Variants in DPF3 observed in about 807,000 individuals in gnomAD.
DPF3 encodes the protein zinc finger protein DPF3.
DPF3 carries 18 observed loss-of-function variants against 56.8 expected under a neutral mutation model. The observed-to-expected ratio is 0.32, with a 90% CI of 0.22 to 0.47. DPF3 has a LOEUF of 0.47. Ranked by LOEUF, DPF3 falls within the 20% of genes least tolerant of loss-of-function variation. The pLI is 1.00. For missense variants in DPF3, 403 were observed against 488.8 expected (o/e 0.82, Z 1.65); for synonymous variants, 188 against 180.2 (o/e 1.04, Z -0.35).
intron 7 of DPF3, among the ~76,000 whole-genome samples, chr14:72,687,597 C>G (rs1887468527): frequency 6.6e-6 from 1 of 152,140 alleles, no homozygotes; most frequent in South Asian, 2.1e-4. Flanking sequence ...CTATCAGACC[C>G]AAAGACTTCC....
intron 1 of DPF3, among the ~76,000 whole-genome samples, chr14:72,782,126 G>A (rs1892000257): frequency 6.6e-6 from 1 of 152,078 alleles, no homozygotes; most frequent in African/African-American, 2.4e-5. Context: ...GAATGCAAAG[G>A]GTGCTGCCCT....
rs372793979 is a variant in DPF3, at chr14:72,815,405, C to T, written c.33-43512G>A. On this transcript the variant is annotated intron_variant, in intron 1 of 10. Coordinates refer to ENST00000556509, the MANE Select transcript of DPF3 (RefSeq NM_001280542.3). ...CGTGTGGGAATGCTAACTGGTACAGCCACTTTGGAAAGCAGTTTGGCAATT... is the reference window on the plus strand; with the variant it reads ...CGTGTGGGAATGCTAACTGGTACAGTCACTTTGGAAAGCAGTTTGGCAATT... Among the ~76,000 whole-genome samples the T allele has an allele frequency of 3.9e-5, 6 of 152,318 alleles. No individual in the cohort carries two copies. In the East Asian group the frequency reaches 1.2e-3, roughly 29 times the overall value.
intron 5 of DPF3, among the ~76,000 whole-genome samples, chr14:72,722,457 C>T (rs1364045247): frequency 1.3e-5 from 2 of 152,166 alleles, no homozygotes; most frequent in Non-Finnish European, 2.9e-5. Flanking sequence ...CCCCAGAGCT[C>T]CTAAAGCAGA....
rs1164849180 is a variant in DPF3 at position 72,615,371 on chromosome 14, C to T, written c.*3926G>A. Among the ~76,000 whole-genome samples, 2 of 152,142 alleles carry T rather than the reference C, an allele frequency of 1.3e-5. No individual in the cohort carries two copies. Among genetic ancestry groups the T allele is most frequent in the African/African-American group, 4.8e-5 (2 of 41,426 alleles). ...AGAGCACAGGTCTCCTCCACTTGCCCCGAAAGGAAAAGTAATAACAATCAT... is the reference window on the plus strand; with the variant it reads ...AGAGCACAGGTCTCCTCCACTTGCCTCGAAAGGAAAAGTAATAACAATCAT... On this transcript the variant is annotated 3_prime_UTR_variant, in exon 11 of 11. Coordinates refer to ENST00000556509, the MANE Select transcript of DPF3 (RefSeq NM_001280542.3).
intron 7 of DPF3, among the ~76,000 whole-genome samples, chr14:72,681,383 T>C (rs1332741556): frequency 6.6e-6 from 1 of 152,058 alleles, no homozygotes; most frequent in African/African-American, 2.4e-5. Context: ...TCCTCTCTCT[T>C]AGGCATTTCT....
rs371974520 is a variant in DPF3 at position 72,783,374 on chromosome 14, G to A, written c.33-11481C>T. Among the ~76,000 whole-genome samples, 8 of 152,058 alleles carry A rather than the reference G, an allele frequency of 5.3e-5. No individual in the cohort carries two copies. In the East Asian group the frequency reaches 5.8e-4, roughly 11 times the overall value. On this transcript the variant is annotated intron_variant, in intron 1 of 10. Transcript: ENST00000556509. ...AAGACTTGGCACATAGGAAATGCTCGACACATATCACTCAACAAAAAAATG... is the reference window on the plus strand; with the variant it reads ...AAGACTTGGCACATAGGAAATGCTCAACACATATCACTCAACAAAAAAATG...
At chr14:72,725,918 G>A (rs963087646) in intron 4 of DPF3, among the ~76,000 whole-genome samples, 2 of 152,158 alleles carry the variant, frequency 1.3e-5, no homozygotes, top group Non-Finnish European at 2.9e-5. Flanking sequence ...TTTCTACTAG[G>A]TTTATTTGGG....
chr14:72,628,879 A>G (rs1884999515), intron 9 of DPF3, among the ~76,000 whole-genome samples: 3 of 152,236 alleles, frequency 2.0e-5, no homozygotes, highest in Admixed American at 2.0e-4. Flanking sequence ...GAAGAAAGAG[A>G]ATAAGATGGA....
chr14:72,641,933 C>G (rs1163165427), intron 8 of DPF3, among the ~76,000 whole-genome samples: 1 of 152,212 alleles, frequency 6.6e-6, no homozygotes, highest in Non-Finnish European at 1.5e-5. Context: ...TCCGATCACT[C>G]ACTCTGGAGG....
chr14:72,767,572 T>G (rs1308005761), intron 2 of DPF3, among the ~76,000 whole-genome samples: 1 of 151,938 alleles, frequency 6.6e-6, no homozygotes, highest in Non-Finnish European at 1.5e-5. Context: ...GAGAGAACTA[T>G]AGAAATCACC....
intron 1 of DPF3, among the ~76,000 whole-genome samples, chr14:72,870,151 T>C (rs147808750): frequency 5.3e-5 from 8 of 152,278 alleles, no homozygotes; most frequent in Admixed American, 1.3e-4. Flanking sequence ...GATCCCTGCC[T>C]ACCAAAAAGC....
At chr14:72,885,377 TG>T (rs1314789572) in intron 1 of DPF3, among the ~76,000 whole-genome samples, 1 of 96,918 alleles carries the variant, frequency 1.0e-5, no homozygotes, top group Non-Finnish European at 2.2e-5. Context: ...TGGGTTTGTT[TG>T]TTTGTTTGTT....
At chr14:72,670,903 C>T (rs931057271) in intron 8 of DPF3, 8 of 1,259,690 alleles carry the variant, frequency 6.4e-6, no homozygotes, top group East Asian at 4.1e-5. Context: ...CTCGGAAGAA[C>T]GCTCATTCTG....
In DPF3 at chr14:72,831,347, C is replaced by T. The variant is rs994272634; in HGVS notation, c.33-59454G>A. Among the ~76,000 whole-genome samples, 5 of 150,902 alleles carry T rather than the reference C, an allele frequency of 3.3e-5. No homozygotes were observed. The East Asian group carries it at 9.8e-4, about 29-fold the overall frequency. ...GCAGGCAAAGCACTGGTAGCTCTCCCAAGGGAAAAAAAAAACAAAAAACAC... is the reference window on the plus strand; with the variant it reads ...GCAGGCAAAGCACTGGTAGCTCTCCTAAGGGAAAAAAAAAACAAAAAACAC... On this transcript the variant is annotated intron_variant, in intron 1 of 10. Coordinates refer to ENST00000556509, the MANE Select transcript of DPF3 (RefSeq NM_001280542.3).
intron 4 of DPF3, among the ~76,000 whole-genome samples, chr14:72,726,550 G>C (rs563077870): frequency 1.3e-5 from 2 of 152,184 alleles, no homozygotes; most frequent in Admixed American, 1.3e-4. Flanking sequence ...CAGTGTGTCT[G>C]CATTTCCTGC....
chr14:72,737,718 AACAG>A (rs1364719567), intron 3 of DPF3, among the ~76,000 whole-genome samples: 1 of 152,218 alleles, frequency 6.6e-6, no homozygotes, highest in Non-Finnish European at 1.5e-5. Flanking sequence ...GTGTTCTGCC[AACAG>A]ACAGACTGCC....
At chr14:72,706,868 T>C (rs543020256) in intron 6 of DPF3, among the ~76,000 whole-genome samples, 46 of 152,146 alleles carry the variant, frequency 3.0e-4, no homozygotes, top group South Asian at 1.7e-3. Context: ...GGTACATGTG[T>C]ACAATGTGCA....
At chr14:72,742,427 T>C (rs545679029) in intron 3 of DPF3, 1 of 152,238 alleles carries the variant, frequency 6.6e-6, no homozygotes, top group African/African-American at 2.4e-5. Context: ...GGTCGCGTTG[T>C]CCATTGGCTC....
In DPF3 at chr14:72,764,484, GTTTTTTTTTTTTT is replaced by G. The variant is rs57886183; in HGVS notation, c.193+7236_193+7248del. Among the ~76,000 whole-genome samples, 15 of 52,792 alleles carry G rather than the reference GTTTTTTTTTTTTT, an allele frequency of 2.8e-4. 1 individual carries two copies. In the Middle Eastern group the frequency reaches 0.059, roughly 207 times the overall value. 34.6% of individuals were successfully genotyped at this position (52,792 alleles called of 152,430 possible). A position where few individuals can be genotyped will look rare whatever the true frequency, so the allele number is the denominator to read the frequency against. ...AGTATGCAAACTATTTTCCTGAGTT[GTTTTTTTTTTTTT>G]TTTTTTTTTTTTTTTTTGAGGCGGA... On this transcript the variant is annotated intron_variant, in intron 2 of 10. Transcript: ENST00000556509.
Sources: allele counts gnomAD v4.1 joint callset (sites outside exome capture counted in the v4.1 genomes callset), GRCh38; gene constraint gnomAD v4.1.1; transcripts MANE v1.5; gene names NCBI Gene and HGNC (gene_info 2026-07-23, HGNC 2026-07-21).